Variants in STIL observed in about 807,000 individuals in gnomAD.
The protein encoded by STIL is SCL-interrupting locus protein.
Under a neutral mutation model 110.1 loss-of-function variants are expected in STIL, and 55 were observed. That is an observed-to-expected ratio of 0.50 (90% CI 0.40 to 0.63). STIL has a LOEUF of 0.63. STIL is among the 20% of genes least tolerant of loss of function. STIL has a pLI of 0.00. For synonymous variants in STIL, 481 were observed against 530.0 expected, an observed-to-expected ratio of 0.91 and a Z score of 1.27; for missense variants, 1,358 against 1,530.0, an observed-to-expected ratio of 0.89 and a Z score of 1.87.
At chr1:47,274,893 T>G (rs1644943253) in intron 12 of STIL, among the ~76,000 whole-genome samples, 1 of 152,050 alleles carries the variant, frequency 6.6e-6, no homozygotes, top group Non-Finnish European at 1.5e-5. Flanking sequence ...GGCTCACACC[T>G]GAAATCCCAG....
intron 3 of STIL, among the ~76,000 whole-genome samples, chr1:47,303,912 C>T (rs994062749): frequency 6.6e-6 from 1 of 152,190 alleles, no homozygotes; most frequent in Non-Finnish European, 1.5e-5. Context: ...TGCTACATTG[C>T]TCTAAGTCCT....
chr1:47,270,082 T>G (rs1644774614), intron 13 of STIL, among the ~76,000 whole-genome samples: 2 of 151,080 alleles, frequency 1.3e-5, no homozygotes, highest in Admixed American at 1.3e-4. Context: ...ACAAAAAAAA[T>G]ACAAAAAAAT....
chr1:47,301,452 A>G (rs1344290116), intron 5 of STIL, 109 bp downstream of exon 5: 3 of 1,264,342 alleles, frequency 2.4e-6, no homozygotes, highest in African/African-American at 3.0e-5. Flanking sequence ...CAATAATTCA[A>G]CCAAATTATT....
chr1:47,312,630 AT>A (rs1475462441), intron 1 of STIL, among the ~76,000 whole-genome samples: 2 of 152,100 alleles, frequency 1.3e-5, no homozygotes, highest in Non-Finnish European at 2.9e-5. Flanking sequence ...AAAAGTGCCA[AT>A]TTTTTCTTCA....
In STIL at chr1:47,301,728, T is replaced by C. The variant is rs774582063; in HGVS notation, c.286A>G (p.Thr96Ala). 4 of 1,613,982 alleles carry C rather than the reference T, an allele frequency of 2.5e-6. No individual in the cohort carries two copies. Among genetic ancestry groups the C allele is most frequent in the Non-Finnish European group, 3.4e-6 (4 of 1,179,990 alleles). ...CGACCAGGATCAAAGCGATCTACTG[T>C]CAATGTTACACCTTCTTCATCTGTA... ...ADEDEEGVTL[T>A]VDRFDPGREV... Residue 96 changes from threonine (T) to alanine (A), a missense_variant, in exon 5 of 17, where the codon ACA becomes GCA. Physicochemically the swap from Thr to Ala is moderately conservative, Grantham distance 58. Coordinates refer to ENST00000371877, the MANE Select transcript of STIL (RefSeq NM_001048166.1).
chr1:47,266,509 A>G (rs1218937456), intron 14 of STIL, among the ~76,000 whole-genome samples: 1 of 152,176 alleles, frequency 6.6e-6, no homozygotes, highest in Non-Finnish European at 1.5e-5. Context: ...CTACAGGCAC[A>G]TACCACCACA....
chr1:47,251,908 A>C lies in STIL; in HGVS notation c.3095T>G (p.Ile1032Ser), dbSNP rs1644195163. The C allele has an allele frequency of 6.2e-7, 1 of 1,611,312 alleles. No individual in the cohort carries two copies. The highest frequency in any genetic ancestry group is 1.1e-5 in the South Asian group (1 of 90,488). The part of the protein sequence containing the change: ...NVDHASVLAC[I>S]SPEAVISGLN... ...TCCAGAGATCACTGCTTCTGGGCTG[A>C]TGCATGCCAACACACTGAAAGACAC... Residue 1032 changes from isoleucine (I) to serine (S), a missense_variant, in exon 17 of 17, where the codon ATC becomes AGC. Transcript: ENST00000371877.
At chr1:47,270,438 G>C (rs1406269709) in intron 13 of STIL, among the ~76,000 whole-genome samples, 1 of 151,872 alleles carries the variant, frequency 6.6e-6, no homozygotes, top group Non-Finnish European at 1.5e-5. Flanking sequence ...GGGTGGCTCT[G>C]AAATGATTTG....
At chr1:47,253,797 C>A (rs1489175330) in intron 16 of STIL, among the ~76,000 whole-genome samples, 1 of 152,162 alleles carries the variant, frequency 6.6e-6, no homozygotes. Flanking sequence ...CTTGCATTCA[C>A]AGACCCACAA....
chr1:47,259,975 C>T (rs1644436925), intron 16 of STIL, among the ~76,000 whole-genome samples: 2 of 152,222 alleles, frequency 1.3e-5, no homozygotes, highest in African/African-American at 4.8e-5. Flanking sequence ...AGCAAAACTC[C>T]TTTCTCTTTC....
Position 47,295,814 on chromosome 1 carries a change from G to GT in STIL, c.735dup (p.Leu246ThrfsTer6). On this transcript the variant is annotated frameshift_variant, in exon 7 of 17. Coordinates refer to ENST00000371877, the MANE Select transcript of STIL (RefSeq NM_001048166.1). LOFTEE classifies it high-confidence loss of function. ...ACCTTGGGATCAGATTCCAACAAAA[G>GT]TAACAATTTGCGTGTTTCATCCATG... 6.2e-7 allele frequency: 1 copy of GT among 1,612,860 alleles called. No individual in the cohort carries two copies. The highest frequency in any genetic ancestry group is 8.5e-7 in the Non-Finnish European group (1 of 1,179,264).
At chr1:47,301,451 A>G in intron 5 of STIL, 110 bp downstream of exon 5, 1 of 1,258,264 alleles carries the variant, frequency 7.9e-7, no homozygotes, top group Non-Finnish European at 1.1e-6. Context: ...ACAATAATTC[A>G]ACCAAATTAT....
chr1:47,267,943 A>C (rs1157783321), intron 14 of STIL, among the ~76,000 whole-genome samples: 1 of 152,206 alleles, frequency 6.6e-6, no homozygotes, highest in Non-Finnish European at 1.5e-5. Flanking sequence ...GAAAAATTTC[A>C]AACATGAGAG....
intron 8 of STIL, among the ~76,000 whole-genome samples, chr1:47,292,268 T>C (rs907172243): frequency 1.3e-5 from 2 of 152,104 alleles, no homozygotes; most frequent in African/African-American, 4.8e-5. Flanking sequence ...TCTTTCACAG[T>C]GTTAGTGCAG....
At chr1:47,259,284 C>CA (rs1644414585) in intron 16 of STIL, among the ~76,000 whole-genome samples, 1 of 61,462 alleles carries the variant, frequency 1.6e-5, no homozygotes, top group South Asian at 6.1e-4. Flanking sequence ...CCGCGCCCGG[C>CA]CTTTTTTTTT....
At chr1:47,296,335 C>T (rs145876401) in intron 6 of STIL, among the ~76,000 whole-genome samples, 1 of 152,258 alleles carries the variant, frequency 6.6e-6, no homozygotes, top group Non-Finnish European at 1.5e-5. Context: ...ATTCCTCCAA[C>T]CACTGTCAAA....
intron 1 of STIL, among the ~76,000 whole-genome samples, chr1:47,313,750 G>A (rs138161544): frequency 6.6e-6 from 1 of 152,316 alleles, no homozygotes; most frequent in Middle Eastern, 3.4e-3. Context: ...TGTGAGGAAT[G>A]CAAGAGCGAG....
chr1:47,305,212 G>C, intron 2 of STIL: 2 of 447,932 alleles, frequency 4.5e-6, no homozygotes, highest in Non-Finnish European at 8.0e-6. Context: ...TGCAACCTCT[G>C]CCTCCTGGGT....
chr1:47,263,137 G>A (rs376218084), intron 14 of STIL, 21 bp from the exon 15 acceptor site: 2 of 1,602,982 alleles, frequency 1.2e-6, no homozygotes, highest in South Asian at 1.1e-5. Context: ...TATATAATGT[G>A]TTAGTCATTG....
Sources: gnomAD v4.1 joint callset for allele counts (sites outside exome capture counted in the v4.1 genomes callset) on GRCh38, gnomAD v4.1.1 for gene constraint, MANE v1.5 for transcripts, NCBI Gene and HGNC (gene_info 2026-07-23, HGNC 2026-07-21) for gene names.